The following RBM10 variants were observed in gnomAD, a reference collection of about 807,000 sequenced individuals.
RBM10 encodes the protein RNA-binding protein 10.
In RBM10, 1 loss-of-function variant was observed where a neutral mutation model predicts 84.9. The ratio of observed to expected loss-of-function variants is 0.01; its 90% CI spans 0.00 to 0.06. RBM10 has a LOEUF of 0.06. Ranked by LOEUF, RBM10 falls within the 10% of genes least tolerant of loss-of-function variation. The probability of loss-of-function intolerance (pLI) is 1.00; values close to 1 mark genes in which losing one functional copy is unlikely to be tolerated. For synonymous variants in RBM10, 326 were observed against 344.5 expected, an observed-to-expected ratio of 0.95 and a Z score of 0.60; for missense variants, 438 against 839.0, an observed-to-expected ratio of 0.52 and a Z score of 5.90.
intron 2 of RBM10, among the ~76,000 whole-genome samples, chrX:47,164,023 C>T (rs1400572975): frequency 2.8e-5 from 3 of 108,075 alleles, no homozygotes; most frequent in Non-Finnish European, 5.8e-5. Flanking sequence ...CGCCCGCCAC[C>T]ACGCCCGGCT....
At chrX:47,183,537 T>A (rs1231011478) in intron 17 of RBM10, among the ~76,000 whole-genome samples, 1 of 107,435 alleles carries the variant, frequency 9.3e-6, no homozygotes, top group Non-Finnish European at 1.9e-5. Context: ...ATATATATAT[T>A]ATATATATAT....
intron 1 of RBM10, 29 bp downstream of exon 1, chrX:47,145,514 G>A: frequency 1.7e-6 from 2 of 1,150,903 alleles, no homozygotes; most frequent in Non-Finnish European, 2.3e-6. Flanking sequence ...CGTGGGGGCG[G>A]AGGTAAGGGG....
chrX:47,163,682 A>G (rs1449159866), intron 2 of RBM10, among the ~76,000 whole-genome samples: 2 of 109,154 alleles, frequency 1.8e-5, no homozygotes, highest in Non-Finnish European at 3.8e-5. Flanking sequence ...GCTGGTAACA[A>G]CAACAAAAGA....
chrX:47,145,621 GTTT>G, intron 1 of RBM10, 136 bp downstream of exon 1: 6 of 187,432 alleles, frequency 3.2e-5, no homozygotes, highest in South Asian at 2.0e-4. Context: ...ACCCGGGAGG[GTTT>G]TTTTTTTTTT....
chrX:47,158,731 C>T lies in RBM10; in HGVS notation c.18-10584C>T, dbSNP rs185625099. Among the ~76,000 whole-genome samples the T allele has an allele frequency of 6.3e-5, 7 of 111,737 alleles. No homozygotes were observed. The East Asian group carries it at 1.4e-3, about 23-fold the overall frequency. ...CAGGTTTTTTTACATGGGTAAATTG[C>T]GTGACACTGAAGCTTGAGGCCCCGT... On this transcript the variant is annotated intron_variant, in intron 2 of 23. Coordinates refer to ENST00000377604, the MANE Select transcript of RBM10 (RefSeq NM_005676.5).
intron 2 of RBM10, among the ~76,000 whole-genome samples, chrX:47,149,141 G>T (rs944029273): frequency 9.0e-6 from 1 of 111,200 alleles, no homozygotes; most frequent in Non-Finnish European, 1.9e-5. Flanking sequence ...CACAGTCTTC[G>T]TTTTGTTTCC....
At chrX:47,172,467 T>A (rs1357069343) in intron 4 of RBM10, among the ~76,000 whole-genome samples, 1 of 112,387 alleles carries the variant, frequency 8.9e-6, no homozygotes. Context: ...GAGACCTCAC[T>A]GGCCTAGAGA....
chrX:47,183,361 A>C (rs969136514), intron 17 of RBM10, among the ~76,000 whole-genome samples: 23 of 111,028 alleles, frequency 2.1e-4, no homozygotes, highest in African/African-American at 7.5e-4. Context: ...TCTCTACTAA[A>C]AATACAAAAA....
At chrX:47,174,031 G>T (rs1302385277) in intron 5 of RBM10, among the ~76,000 whole-genome samples, 2 of 98,230 alleles carry the variant, frequency 2.0e-5, no homozygotes, top group Non-Finnish European at 4.0e-5. Flanking sequence ...TGAACATTAA[G>T]CATGCCCCCC....
At chrX:47,152,830 G>A (rs1016648716) in intron 2 of RBM10, among the ~76,000 whole-genome samples, 3 of 100,340 alleles carry the variant, frequency 3.0e-5, no homozygotes, top group Non-Finnish European at 6.0e-5. Context: ...TTTTTTAATC[G>A]TTTGAGTTGG....
intron 6 of RBM10, 134 bp from the exon 7 acceptor site, chrX:47,176,366 C>T (rs782691775): frequency 2.2e-5 from 24 of 1,095,776 alleles, no homozygotes; most frequent in African/African-American, 1.1e-4. Context: ...TCCCTCCATC[C>T]GCTCTCCGAC....
At position 47,158,314 on chromosome X, in the gene RBM10, G is replaced by A. The variant is rs140909910; in HGVS notation, c.17+10816G>A. 1,066 of 125,705 alleles carry A rather than the reference G, an allele frequency of 8.5e-3. 13 individuals are homozygous for A. The highest frequency in any genetic ancestry group is 0.033 in the African/African-American group (1,017 of 31,186). The allele number at this position is 125,705 out of a possible 1,213,427, so 10.4% of individuals were successfully genotyped here. On this transcript the variant is annotated intron_variant, in intron 2 of 23. Transcript: ENST00000377604. ...CCCCTGGTGGCAGGGGTGTGGAAAG[G>A]GCTCGGGGTGCGGGGTTAGGGCCGC...
At chrX:47,153,401 A>G (rs1556764214) in intron 2 of RBM10, among the ~76,000 whole-genome samples, 1 of 110,698 alleles carries the variant, frequency 9.0e-6, no homozygotes. Flanking sequence ...CAGTTATTCT[A>G]TCTTTGTCTT....
chrX:47,158,940 C>T (rs1165018926), intron 2 of RBM10, among the ~76,000 whole-genome samples: 2 of 112,656 alleles, frequency 1.8e-5, no homozygotes, highest in South Asian at 3.6e-4. Flanking sequence ...TTTCTGTTTT[C>T]GTGGCAGGTG....
Position 47,171,055 on chromosome X carries a change from G to A in RBM10, c.229G>A (p.Glu77Lys), listed in dbSNP as rs2147134800. 1.7e-6 allele frequency: 2 copies of A among 1,211,254 alleles called. No individual in the cohort carries two copies. The highest frequency in any genetic ancestry group is 1.8e-5 in the South Asian group (1 of 56,908). The change falls in exon 4 of 24, where the codon GAG (glutamate) becomes AAG (lysine). Residue 77 changes from glutamate (E) to lysine (K), a missense_variant. Around this residue, in one of 8 missense-constraint regions of RBM10, gnomAD observed 92 missense variants for 134.3 expected, o/e 0.69. Coordinates refer to ENST00000377604, the MANE Select transcript of RBM10 (RefSeq NM_005676.5). ...EDSYEASPGS[E>K]TQRRRRRRHR... ...TTCCTACGAGGCCTCCCCGGGCTCC[G>A]AGACTCAGCGTAGGCGGCGGCGGCG...
At chrX:47,158,643 C>T (rs1466345673) in intron 2 of RBM10, among the ~76,000 whole-genome samples, 1 of 111,930 alleles carries the variant, frequency 8.9e-6, no homozygotes, top group Non-Finnish European at 1.9e-5. Flanking sequence ...CCTCAGTGAT[C>T]TGCCCCCCTC....
At chrX:47,160,793 A>T (rs1933618964) in intron 2 of RBM10, among the ~76,000 whole-genome samples, 1 of 111,657 alleles carries the variant, frequency 9.0e-6, no homozygotes, top group African/African-American at 3.3e-5. Context: ...AAGTGAGGTA[A>T]ACTTTGTTTT....
chrX:47,174,856 T>G, intron 5 of RBM10, among the ~76,000 whole-genome samples, 163 bp from the exon 6 acceptor site: 1 of 105,775 alleles, frequency 9.5e-6, no homozygotes, highest in East Asian at 3.1e-4. Flanking sequence ...CCACGCCCGC[T>G]AGTCTTTCTC....
At chrX:47,150,415 G>A (rs566439117) in intron 2 of RBM10, among the ~76,000 whole-genome samples, 2 of 111,695 alleles carry the variant, frequency 1.8e-5, no homozygotes, top group African/African-American at 6.5e-5. Context: ...TGATCCACCC[G>A]CCTTGGCCTC....
Sources: gnomAD v4.1 joint callset for allele counts (sites outside exome capture counted in the v4.1 genomes callset) on GRCh38, gnomAD v4.1.1 for gene constraint, gnomAD v4.1.1 regional missense constraint, MANE v1.5 for transcripts, NCBI Gene and HGNC (gene_info 2026-07-23, HGNC 2026-07-21) for gene names.